The following FSIP1 variants were observed in gnomAD, a reference collection of about 807,000 sequenced individuals.
FSIP1 encodes fibrous sheath-interacting protein 1.
In FSIP1, 65 loss-of-function variants were observed where a neutral mutation model predicts 60.9. That is an observed-to-expected ratio of 1.07 (90% CI 0.87 to 1.31). The LOEUF is 1.31. Among genes scored for constraint, FSIP1 ranks in the 40% most tolerant of loss-of-function variants. FSIP1 has a pLI of 0.00. For synonymous variants in FSIP1, 209 were observed against 221.2 expected (o/e 0.94, Z 0.49); for missense variants, 675 against 665.5 (o/e 1.01, Z -0.16).
intron 1 of FSIP1, among the ~76,000 whole-genome samples, chr15:39,778,066 A>G (rs554534171): frequency 6.6e-6 from 1 of 152,354 alleles, no homozygotes; most frequent in East Asian, 1.9e-4. Context: ...AGATGAAAAA[A>G]GCATTGATCT....
chr15:39,668,607 C>T (rs546319743), intron 10 of FSIP1, among the ~76,000 whole-genome samples: 2 of 152,288 alleles, frequency 1.3e-5, no homozygotes, highest in Admixed American at 6.5e-5. Flanking sequence ...AAATGACATG[C>T]CAACTTCATT....
chr15:39,632,491 G>A (rs377028721), intron 10 of FSIP1, among the ~76,000 whole-genome samples: 3 of 151,936 alleles, frequency 2.0e-5, no homozygotes, highest in East Asian at 3.9e-4. Flanking sequence ...TTCTGATTTT[G>A]TAATATAGAA....
chr15:39,648,617 A>T (rs974341955), intron 10 of FSIP1, among the ~76,000 whole-genome samples: 17 of 152,256 alleles, frequency 1.1e-4, no homozygotes, highest in East Asian at 3.8e-4. Flanking sequence ...ACAGATTTTT[A>T]AAATTATAGT....
intron 11 of FSIP1, among the ~76,000 whole-genome samples, chr15:39,605,000 C>T (rs1333639844): frequency 1.3e-5 from 2 of 152,174 alleles, no homozygotes; most frequent in African/African-American, 4.8e-5. Context: ...CATATACCAA[C>T]ACACACCCAC....
intron 10 of FSIP1, among the ~76,000 whole-genome samples, chr15:39,698,202 T>TATATAA (rs1258303170): frequency 6.7e-6 from 1 of 148,266 alleles, no homozygotes; most frequent in African/African-American, 2.5e-5. Flanking sequence ...TATATATATA[T>TATATAA]AATATACAAT....
intron 5 of FSIP1, among the ~76,000 whole-genome samples, chr15:39,761,146 T>C (rs1897483112): frequency 6.6e-6 from 1 of 152,120 alleles, no homozygotes; most frequent in Non-Finnish European, 1.5e-5. Flanking sequence ...CTACAGCCAT[T>C]ATGGAAAAGT....
intron 11 of FSIP1, among the ~76,000 whole-genome samples, chr15:39,601,456 G>A (rs80063916): frequency 0.011 from 1,720 of 152,316 alleles, 25 homozygotes; most frequent in African/African-American, 0.035. Context: ...CTTCATGCAC[G>A]ACTGGCAGGA....
intron 3 of FSIP1, among the ~76,000 whole-genome samples, chr15:39,768,591 T>C (rs1019236096): frequency 3.9e-5 from 6 of 152,360 alleles, no homozygotes; most frequent in Non-Finnish European, 7.3e-5. Flanking sequence ...TGGATTCTCA[T>C]ATTCTCATAG....
chr15:39,740,464 G>A (rs1024681208), intron 6 of FSIP1, among the ~76,000 whole-genome samples: 1 of 152,164 alleles, frequency 6.6e-6, no homozygotes, highest in African/African-American at 2.4e-5. Context: ...TCTATGTGTC[G>A]CATTAAAATA....
chr15:39,730,596 A>T (rs1291540767), intron 8 of FSIP1, among the ~76,000 whole-genome samples: 1 of 152,148 alleles, frequency 6.6e-6, no homozygotes, highest in Non-Finnish European at 1.5e-5. Flanking sequence ...TATCCTCTTG[A>T]CCCTGGCATT....
intron 10 of FSIP1, among the ~76,000 whole-genome samples, chr15:39,649,138 A>G (rs1892758451): frequency 6.6e-6 from 1 of 152,194 alleles, no homozygotes; most frequent in Non-Finnish European, 1.5e-5. Flanking sequence ...AAGAGGAGGG[A>G]CTTAAGAGTC....
chr15:39,609,471 G>A (rs960667818), intron 11 of FSIP1, among the ~76,000 whole-genome samples: 1 of 151,730 alleles, frequency 6.6e-6, no homozygotes, highest in South Asian at 2.1e-4. Flanking sequence ...GCCAGGCTAG[G>A]AGGCAAGTGC....
In FSIP1 at chr15:39,739,801, A is replaced by G. The variant is rs575932235; in HGVS notation, c.656-12T>C. On this transcript the variant is annotated splice_polypyrimidine_tract_variant and intron_variant, in intron 6 of 11. Coordinates refer to ENST00000350221, the MANE Select transcript of FSIP1 (RefSeq NM_152597.5). ...ATCACAGGTAAAATCTAATATTAAA[A>G]AAGTTCAAAATTTTTTCATAATTAA... 2.0e-6 allele frequency: 3 copies of G among 1,521,078 alleles called. No homozygotes were observed. The South Asian group carries it at 3.8e-5, about 19-fold the overall frequency. 94.2% of individuals were successfully genotyped at this position (1,521,078 alleles called of 1,614,324 possible). A position where few individuals can be genotyped will look rare whatever the true frequency, so the allele number is the denominator to read the frequency against.
At chr15:39,781,065 G>A (rs1898247965) in intron 1 of FSIP1, among the ~76,000 whole-genome samples, 2 of 152,168 alleles carry the variant, frequency 1.3e-5, no homozygotes, top group South Asian at 2.1e-4. Context: ...CAAAGACTAG[G>A]AGCAAATATT....
At chr15:39,649,158 T>C (rs970694782) in intron 10 of FSIP1, among the ~76,000 whole-genome samples, 1 of 152,198 alleles carries the variant, frequency 6.6e-6, no homozygotes, top group African/African-American at 2.4e-5. Context: ...CTTAAGAGTT[T>C]TCAGCTGGAA....
chr15:39,657,060 G>C (rs1241458818), intron 10 of FSIP1, among the ~76,000 whole-genome samples: 2 of 152,190 alleles, frequency 1.3e-5, no homozygotes, highest in African/African-American at 4.8e-5. Flanking sequence ...GCAGCACCTG[G>C]GACCCTTCCA....
chr15:39,665,902 C>T (rs1441353700), intron 10 of FSIP1, among the ~76,000 whole-genome samples: 1 of 152,090 alleles, frequency 6.6e-6, no homozygotes, highest in Non-Finnish European at 1.5e-5. Context: ...AGATAATGAT[C>T]AAGCAAGAAA....
chr15:39,632,323 C>A (rs546774733), intron 10 of FSIP1, among the ~76,000 whole-genome samples: 1 of 152,022 alleles, frequency 6.6e-6, no homozygotes, highest in African/African-American at 2.4e-5. Flanking sequence ...ACTACAGATA[C>A]GCACCACCAT....
chr15:39,714,905 C>A (rs1166566354), intron 9 of FSIP1, among the ~76,000 whole-genome samples: 1 of 142,632 alleles, frequency 7.0e-6, no homozygotes, highest in African/African-American at 2.6e-5. Flanking sequence ...CCTGGGAGGT[C>A]GAGGCTGCAG....
Sources: gnomAD v4.1 joint callset for allele counts (sites outside exome capture counted in the v4.1 genomes callset) on GRCh38, gnomAD v4.1.1 for gene constraint, MANE v1.5 for transcripts, NCBI Gene and HGNC (gene_info 2026-07-23, HGNC 2026-07-21) for gene names.